TNRC6C: variants seen among roughly 807,000 people sequenced by gnomAD.
TNRC6C encodes the protein trinucleotide repeat-containing gene 6C protein.
A neutral mutation model predicts 153.7 loss-of-function variants in TNRC6C; 20 were observed. The observed-to-expected ratio is 0.13, with a 90% confidence interval of 0.09 to 0.19. The LOEUF is 0.19. Ranked by LOEUF, TNRC6C falls within the 10% of genes least tolerant of loss-of-function variation. The pLI is 1.00. For missense variants in TNRC6C, 1,987 were observed against 2,172.0 expected (o/e 0.91, Z 1.69); for synonymous variants, 811 against 841.4 (o/e 0.96, Z 0.63).
intron 3 of TNRC6C, among the ~76,000 whole-genome samples, chr17:78,057,463 A>AC (rs892783741): frequency 1.3e-5 from 2 of 152,142 alleles, no homozygotes; most frequent in African/African-American, 2.4e-5. Context: ...GAGTGGCATT[A>AC]CCCCCGGTGG....
At chr17:78,108,098 C>G (rs1039509258) in exon 20 of TNRC6C, 3 of 152,230 alleles carry the variant, frequency 2.0e-5, no homozygotes, top group African/African-American at 7.2e-5. Context: ...TACAGACAGG[C>G]CTCTGAAGAC....
At chr17:77,961,316 C>T (rs1486821470) in intron 1 of TNRC6C, among the ~76,000 whole-genome samples, 1 of 152,124 alleles carries the variant, frequency 6.6e-6, no homozygotes, top group Non-Finnish European at 1.5e-5. Flanking sequence ...CCGCCACGCC[C>T]GGCTAATTTT....
intron 3 of TNRC6C, 63 bp downstream of exon 5, chr17:78,051,511 TA>T: frequency 7.4e-7 from 1 of 1,358,476 alleles, no homozygotes; most frequent in Non-Finnish European, 9.5e-7. Flanking sequence ...TTATTCTCAT[TA>T]TATATTCATG....
chr17:78,028,623 G>T (rs2071993585), intron 1 of TNRC6C, among the ~76,000 whole-genome samples: 1 of 152,174 alleles, frequency 6.6e-6, no homozygotes, highest in Middle Eastern at 3.2e-3. Context: ...CCAAGTCCAT[G>T]TTGAGAGACA....
chr17:78,043,221 G>C (rs2072335996), intron 2 of TNRC6C, among the ~76,000 whole-genome samples: 1 of 152,196 alleles, frequency 6.6e-6, no homozygotes, highest in Admixed American at 6.5e-5. Context: ...TCAGTGGGCT[G>C]GGCTGGGCTG....
At chr17:78,039,309 G>GCCCCC (rs11306576) in intron 2 of TNRC6C, among the ~76,000 whole-genome samples, 6 of 113,550 alleles carry the variant, frequency 5.3e-5, no homozygotes, top group Admixed American at 1.8e-4. Context: ...TTCAAATCTT[G>GCCCCC]CCCCCCCCCC....
chr17:78,091,757 G>C lies in TNRC6C; in HGVS notation c.3970+150G>C, dbSNP rs138084511. ...ACCCATTCCATTATAGTGCATATAA[G>C]ATCTCAGCTAGTCACTGATCAAACT... is the stretch of plus-strand genomic sequence containing the variant. On this transcript the variant is annotated intron_variant, in intron 14 of 19. Coordinates refer to ENST00000301624, the Ensembl canonical transcript of TNRC6C. 4.4e-6 allele frequency: 4 copies of C among 899,416 alleles called. No individual in the cohort carries two copies. The African/African-American group carries it at 7.0e-5, about 16-fold the overall frequency. The allele number at this position is 899,416 out of a possible 1,614,324, so 55.7% of individuals were successfully genotyped here. A position where few individuals can be genotyped will look rare whatever the true frequency, so the allele number is the denominator to read the frequency against.
At position 78,015,282 on chromosome 17, in the gene TNRC6C, G is replaced by A. The variant is rs147296268; in HGVS notation, c.-546+10203G>A. Among the ~76,000 whole-genome samples, 93 of 152,202 alleles carry A rather than the reference G, an allele frequency of 6.1e-4. 2 individuals are homozygous for A. The highest frequency in any genetic ancestry group is 4.6e-3 in the East Asian group (24 of 5,182). On this transcript the variant is annotated intron_variant, in intron 1 of 19. Coordinates refer to ENST00000301624, the Ensembl canonical transcript of TNRC6C. ...TAGGACATATCATCTATTCAATAAC[G>A]TCCTGTTGACAGAGGTGGAGCATGA...
chr17:78,048,382 A>G lies in TNRC6C; in HGVS notation c.-218-463A>G, dbSNP rs1383376990. Among the ~76,000 whole-genome samples, 3 of 152,222 alleles carry G rather than the reference A, an allele frequency of 2.0e-5. No homozygotes were observed. In the East Asian group the frequency reaches 5.8e-4, roughly 29 times the overall value. The stretch of plus-strand genomic sequence containing the variant: ...GCAATGCAATTTACAATTTTTTTCT[A>G]CTGAAAGCCATGTTTCGCCTCTATA... On this transcript the variant is annotated intron_variant, in intron 2 of 19. Transcript: ENST00000301624.
chr17:78,067,281 G>A (rs2072900534), intron 4 of TNRC6C, among the ~76,000 whole-genome samples: 1 of 152,154 alleles, frequency 6.6e-6, no homozygotes, highest in Admixed American at 6.5e-5. Flanking sequence ...AGGAGTTTGA[G>A]GTTGCAGTGA....
At chr17:77,985,125 T>C (rs1034883081) in intron 1 of TNRC6C, among the ~76,000 whole-genome samples, 1 of 152,222 alleles carries the variant, frequency 6.6e-6, no homozygotes, top group African/African-American at 2.4e-5. Flanking sequence ...TGTTTTTGCG[T>C]AACAAATTAC....
At chr17:77,999,510 G>A (rs1011894973), upstream of TNRC6C, among the ~76,000 whole-genome samples, 1 of 152,200 alleles carries the variant, frequency 6.6e-6, no homozygotes. Context: ...GTAATTGGCA[G>A]GAGAGAGGCT....
rs1472891048 is a variant in TNRC6C, at chr17:78,049,367, C to T, written c.305C>T (p.Pro102Leu). 4 of 1,614,018 alleles carry T rather than the reference C, an allele frequency of 2.5e-6. No homozygotes were observed. Among genetic ancestry groups the T allele is most frequent in the Non-Finnish European group, 2.5e-6 (3 of 1,179,896 alleles). Residue 102 changes from proline to leucine, a missense_variant, in exon 3 of 20, where the codon CCT becomes CTT. By Grantham distance (98) the Pro-to-Leu change is moderately conservative. This residue lies in a region of TNRC6C where 1,052 missense variants were observed against 1,017.0 expected (regional missense o/e 1.03). Coordinates refer to ENST00000301624, the Ensembl canonical transcript of TNRC6C. The surrounding 1 kb of genome is among the most constrained non-coding windows in gnomAD (Gnocchi z 4.1). ...GCTGGCATTAATCTTAACCTTAATC[C>T]TAATGCCAACCCAGCTGCCTGGCCT...
intron 3 of TNRC6C, 30 bp downstream of exon 5, chr17:78,051,478 A>G: frequency 3.8e-5 from 48 of 1,248,988 alleles, no homozygotes; most frequent in Non-Finnish European, 4.3e-5. Flanking sequence ...TTTCTTTACA[A>G]GTAAAAAAAA....
At chr17:78,097,700 C>G in intron 16 of TNRC6C, 45 bp from the exon 19 acceptor site, 2 of 1,412,792 alleles carry the variant, frequency 1.4e-6, no homozygotes, top group Non-Finnish European at 1.9e-6. Flanking sequence ...GTCATGAACC[C>G]GGACACCGCC....
chr17:77,991,392 C>T (rs1320595980), intron 1 of TNRC6C, among the ~76,000 whole-genome samples: 2 of 152,194 alleles, frequency 1.3e-5, no homozygotes, highest in African/African-American at 4.8e-5. Flanking sequence ...TGAATGCGTT[C>T]TCCCCATATC....
At chr17:77,993,705 C>T (rs1184571965) in intron 1 of TNRC6C, among the ~76,000 whole-genome samples, 2 of 151,866 alleles carry the variant, frequency 1.3e-5, no homozygotes, top group Admixed American at 1.3e-4. Flanking sequence ...GAACCTGTTG[C>T]GTGTTTGAAA....
intron 1 of TNRC6C, among the ~76,000 whole-genome samples, chr17:77,997,797 G>A (rs891439964): frequency 6.6e-6 from 1 of 151,986 alleles, no homozygotes; most frequent in Non-Finnish European, 1.5e-5. Flanking sequence ...TGGGACTACA[G>A]GCACCTGCCA....
intron 2 of TNRC6C, among the ~76,000 whole-genome samples, chr17:78,039,700 A>G (rs2072254988): frequency 6.6e-6 from 1 of 152,218 alleles, no homozygotes; most frequent in African/African-American, 2.4e-5. Flanking sequence ...AGGCTTGCAC[A>G]CAAGGGCATC....
Sources: gnomAD v4.1 joint callset for allele counts (sites outside exome capture counted in the v4.1 genomes callset) on GRCh38, gnomAD v4.1.1 for gene constraint, gnomAD v4.1.1 regional missense constraint, Gnocchi (gnomAD v3.1) non-coding constraint, MANE v1.5 for transcripts, NCBI Gene and HGNC (gene_info 2026-07-23, HGNC 2026-07-21) for gene names.